The following RFLNA variants were observed in gnomAD, a reference collection of about 807,000 sequenced individuals.
The protein encoded by RFLNA is refilin-A.
In RFLNA, 5 loss-of-function variants were observed where a neutral mutation model predicts 7.8. The observed-to-expected ratio is 0.64, with a 90% CI of 0.34 to 1.35. The LOEUF (loss-of-function observed/expected upper bound fraction) is 1.35, where lower values mean the gene tolerates loss of function less well. Ranked by LOEUF, RFLNA falls within the 40% of genes most tolerant of loss-of-function variation. The pLI is 0.04. For missense variants in RFLNA, 278 were observed against 305.5 expected (o/e 0.91, Z 0.67); for synonymous variants, 141 against 131.3 (o/e 1.07, Z -0.50).
chr12:124,294,455 G>GA (rs2033869858), upstream of RFLNA, among the ~76,000 whole-genome samples: 1 of 152,182 alleles, frequency 6.6e-6, no homozygotes, highest in African/African-American at 2.4e-5. Flanking sequence ...GTAAGGAAGG[G>GA]AAACACGTGT....
rs548100852 is a variant in RFLNA at position 124,301,695 on chromosome 12, G to A, written c.207+6059G>A. ...ATCTGGGAGGCCGCCTGGCAGTTGT[G>A]AGTGGTTGAGAAAGGACAGTGTTCT... On this transcript the variant is annotated intron_variant, in intron 1 of 2. Coordinates refer to ENST00000546355, the MANE Select transcript of RFLNA (RefSeq NM_001365156.1). Among the ~76,000 whole-genome samples, 15 of 152,314 alleles carry A rather than the reference G, an allele frequency of 9.8e-5. 1 individual carries two copies. The South Asian group carries it at 3.1e-3, about 32-fold the overall frequency.
At chr12:124,290,460 TTG>T (rs1159132853), upstream of RFLNA, among the ~76,000 whole-genome samples, 14 of 151,962 alleles carry the variant, frequency 9.2e-5, no homozygotes, top group Non-Finnish European at 1.3e-4. The surrounding 1 kb of genome is among the most constrained non-coding windows in gnomAD (Gnocchi z 4.0). Flanking sequence ...ATATATGTAT[TTG>T]TGTTATGTGT....
chr12:124,293,679 G>A (rs1013914746), upstream of RFLNA, among the ~76,000 whole-genome samples: 2 of 152,136 alleles, frequency 1.3e-5, no homozygotes, highest in Non-Finnish European at 2.9e-5. Context: ...GTTCTTTCCT[G>A]GGCGACATGG....
upstream of RFLNA, among the ~76,000 whole-genome samples, chr12:124,290,130 G>C (rs1325685018): frequency 6.6e-6 from 1 of 152,174 alleles, no homozygotes; most frequent in African/African-American, 2.4e-5. This position sits in a 1 kb window ranked among gnomAD's most constrained non-coding sequence, Gnocchi z 4.0. Flanking sequence ...GCAAGAGCCC[G>C]GGGCTCTCCC....
intron 1 of RFLNA, among the ~76,000 whole-genome samples, chr12:124,307,151 G>A (rs2034151214): frequency 6.6e-6 from 1 of 152,250 alleles, no homozygotes; most frequent in African/African-American, 2.4e-5. Flanking sequence ...GGGCCAGAGA[G>A]CAGGGAGAGG....
At chr12:124,309,133 G>A (rs1468396744) in intron 1 of RFLNA, among the ~76,000 whole-genome samples, 1 of 152,202 alleles carries the variant, frequency 6.6e-6, no homozygotes, top group African/African-American at 2.4e-5. Context: ...GCTGTTTGTG[G>A]CTGTGTGGCC....
At chr12:124,295,682 T>G (rs1593023928) in intron 1 of RFLNA, 46 bp downstream of exon 1, 1 of 1,230,134 alleles carries the variant, frequency 8.1e-7, no homozygotes, top group Non-Finnish European at 1.0e-6. Flanking sequence ...CGTGGGCGGG[T>G]GGGTGAGGGC....
chr12:124,311,660 G>A (rs1223384477), intron 1 of RFLNA, 158 bp from the exon 2 acceptor site: 4 of 618,088 alleles, frequency 6.5e-6, no homozygotes, highest in African/African-American at 5.9e-5. Flanking sequence ...TGGGCTTCCT[G>A]ATGGGCCCCA....
At position 124,306,721 on chromosome 12, in the gene RFLNA, G is replaced by A. The variant is rs531338884; in HGVS notation, c.208-5097G>A. ...TATAAGGATCAGATGAGTAGGATAT[G>A]TGGCGAGTGCCCAGAATGGTGCCCG... On this transcript the variant is annotated intron_variant, in intron 1 of 2. Coordinates refer to ENST00000546355, the MANE Select transcript of RFLNA (RefSeq NM_001365156.1). This position sits in a 1 kb window ranked among gnomAD's most constrained non-coding sequence, Gnocchi z 5.2. Among the ~76,000 whole-genome samples, 1 of 152,322 alleles carries A rather than the reference G, an allele frequency of 6.6e-6. No homozygotes were observed. The highest frequency in any genetic ancestry group is 1.9e-4 in the East Asian group (1 of 5,184).
upstream of RFLNA, among the ~76,000 whole-genome samples, chr12:124,291,863 T>C (rs1450160143): frequency 1.3e-5 from 2 of 152,108 alleles, no homozygotes; most frequent in Non-Finnish European, 2.9e-5. Context: ...CCAGGTCACT[T>C]TTCTTTCTTC....
chr12:124,301,426 T>G (rs2034036218), intron 1 of RFLNA, among the ~76,000 whole-genome samples: 1 of 152,170 alleles, frequency 6.6e-6, no homozygotes, highest in African/African-American at 2.4e-5. Flanking sequence ...CCAGACAGAC[T>G]GGGGGCAGCT....
intron 1 of RFLNA, among the ~76,000 whole-genome samples, chr12:124,300,731 CATGGATGGATGGATGGATGG>C (rs370958661): frequency 1.1e-4 from 13 of 115,668 alleles, no homozygotes; most frequent in Admixed American, 1.7e-4. Context: ...TGGATGGATG[CATGGATGGATGGATGGATGG>C]ATGGATGGAT....
intron 1 of RFLNA, among the ~76,000 whole-genome samples, chr12:124,310,169 T>A (rs1195327349): frequency 4.0e-4 from 1 of 2,528 alleles, no homozygotes; most frequent in Middle Eastern, 0.5. Context: ...AGAGACTCTG[T>A]CTCAAAAAAA....
chr12:124,292,152 G>A (rs2033834148), upstream of RFLNA, among the ~76,000 whole-genome samples: 1 of 152,130 alleles, frequency 6.6e-6, no homozygotes, highest in Non-Finnish European at 1.5e-5. Flanking sequence ...CTTTGGAAGC[G>A]ATTTGGATCA....
chr12:124,312,709 C>T (rs1340728763), intron 2 of RFLNA, among the ~76,000 whole-genome samples: 1 of 152,240 alleles, frequency 6.6e-6, no homozygotes, highest in Non-Finnish European at 1.5e-5. Context: ...TGTCCAGCTG[C>T]TCCATGTTCT....
Position 124,313,641 on chromosome 12 carries a change from T to C in RFLNA, c.318-551T>C, listed in dbSNP as rs578209560. 2.7e-5 allele frequency among the ~76,000 whole-genome samples: 4 copies of C among 150,768 alleles called. No homozygotes were observed. In the East Asian group the frequency reaches 7.9e-4, roughly 30 times the overall value. ...TTGCAGAGAGCCGAGATCGCGCCAC[T>C]GCACTCCAGCCTGGGTGACAGAGCG... On this transcript the variant is annotated intron_variant, in intron 2 of 2. Transcript: ENST00000546355.
chr12:124,290,276 A>G (rs903714239), upstream of RFLNA, among the ~76,000 whole-genome samples: 5 of 152,052 alleles, frequency 3.3e-5, no homozygotes, highest in African/African-American at 1.2e-4. This position sits in a 1 kb window ranked among gnomAD's most constrained non-coding sequence, Gnocchi z 4.0. Flanking sequence ...ACATGTGTGT[A>G]TATGTATGTA....
At chr12:124,307,531 C>G (rs2034157195) in intron 1 of RFLNA, among the ~76,000 whole-genome samples, 2 of 152,202 alleles carry the variant, frequency 1.3e-5, no homozygotes, top group Non-Finnish European at 2.9e-5. Context: ...CTTAGCCCCT[C>G]TCTCCCATTC....
At chr12:124,311,788 A>C in intron 1 of RFLNA, 30 bp from the exon 2 acceptor site, 1 of 1,528,264 alleles carries the variant, frequency 6.5e-7, no homozygotes. Context: ...AAGGGGCTGC[A>C]TAACCCCGTG....
Sources: gnomAD v4.1 joint callset for allele counts (sites outside exome capture counted in the v4.1 genomes callset) on GRCh38, gnomAD v4.1.1 for gene constraint, Gnocchi (gnomAD v3.1) non-coding constraint, MANE v1.5 for transcripts, NCBI Gene and HGNC (gene_info 2026-07-23, HGNC 2026-07-21) for gene names.